The following ATP8A2 variants were observed in gnomAD, a reference collection of about 807,000 sequenced individuals.
ATP8A2 encodes the protein ATPase phospholipid transporting 8A2, also known as phospholipid-transporting ATPase IB.
Under a neutral mutation model 165.6 loss-of-function variants are expected in ATP8A2, and 100 were observed. The ratio of observed to expected loss-of-function variants is 0.60; its 90% confidence interval spans 0.51 to 0.71. The LOEUF (loss-of-function observed/expected upper bound fraction) is 0.71. Ranked by LOEUF, ATP8A2 falls within the 30% of genes least tolerant of loss-of-function variation. The probability of loss-of-function intolerance (pLI) is 0.00; values close to 1 mark genes in which losing one functional copy is unlikely to be tolerated. For missense variants in ATP8A2, 1,227 were observed against 1,479.5 expected (o/e 0.83, Z 2.80); for synonymous variants, 543 against 548.8 (o/e 0.99, Z 0.15).
Position 25,583,901 on chromosome 13 carries a change from T to A in ATP8A2, c.2146+1944T>A, listed in dbSNP as rs556068861. On this transcript the variant is annotated intron_variant, in intron 23 of 36. Transcript: ENST00000381655. ...GCTCACATCATTTGCTATCTCTTAA[T>A]TGATCTTTCTTAGCAAGTACTCTCC... is the stretch of plus-strand genomic sequence containing the variant. Among the ~76,000 whole-genome samples, 3 of 152,348 alleles carry A rather than the reference T, an allele frequency of 2.0e-5. No individual in the cohort carries two copies. The East Asian group carries it at 5.8e-4, about 29-fold the overall frequency.
Position 26,022,492 on chromosome 13 carries a change from A to C in ATP8A2, c.*2507A>C, listed in dbSNP as rs1160130020. On this transcript the variant is annotated 3_prime_UTR_variant, in exon 37 of 37. Transcript: ENST00000381655. ...TTCCTATTCTCTTGAGAAGTAGACT[A>C]AACAATATTTGCAGTGATGACAGAC... 1 of 152,236 alleles carries C rather than the reference A, an allele frequency of 6.6e-6. No homozygotes were observed. The highest frequency in any genetic ancestry group is 1.5e-5 in the Non-Finnish European group (1 of 68,052). The allele number at this position is 152,236 out of a possible 1,614,324, so 9.4% of individuals were successfully genotyped here.
At chr13:25,803,646 T>C (rs557370324) in intron 27 of ATP8A2, among the ~76,000 whole-genome samples, 22 of 152,368 alleles carry the variant, frequency 1.4e-4, no homozygotes, top group Non-Finnish European at 2.6e-4. Flanking sequence ...CCCCATATGT[T>C]AGTATTGAAG....
chr13:25,948,848 T>A (rs1383787398), intron 33 of ATP8A2, among the ~76,000 whole-genome samples: 3 of 152,168 alleles, frequency 2.0e-5, no homozygotes, highest in Admixed American at 6.5e-5. Flanking sequence ...AGCAGATACA[T>A]ATCTGTGGTT....
Position 25,721,996 on chromosome 13 carries a change from A to G in ATP8A2, c.2384+22651A>G, listed in dbSNP as rs191993772. ...AAATCACTGGCTGAATGGTAACTGTATGTTTAACCTCTTGAGGAACCATGA... is the reference window on the plus strand; with the variant it reads ...AAATCACTGGCTGAATGGTAACTGTGTGTTTAACCTCTTGAGGAACCATGA... On this transcript the variant is annotated intron_variant, in intron 25 of 36. Coordinates refer to ENST00000381655, the MANE Select transcript of ATP8A2 (RefSeq NM_016529.6). Among the ~76,000 whole-genome samples, 14 of 152,216 alleles carry G rather than the reference A, an allele frequency of 9.2e-5. No individual in the cohort carries two copies. In the East Asian group the frequency reaches 2.5e-3, roughly 27 times the overall value.
chr13:25,728,907 A>C (rs2043554573), intron 25 of ATP8A2, among the ~76,000 whole-genome samples: 1 of 152,170 alleles, frequency 6.6e-6, no homozygotes, highest in Non-Finnish European at 1.5e-5. Flanking sequence ...TTGGAAAGTG[A>C]CTGTTAGTAA....
intron 2 of ATP8A2, among the ~76,000 whole-genome samples, chr13:25,512,533 G>T (rs1297023560): frequency 6.8e-5 from 10 of 146,940 alleles, no homozygotes; most frequent in East Asian, 2.1e-4. Context: ...CTCCCTCCCG[G>T]ACGGGGCGGC....
chr13:25,886,953 T>G (rs1409388721), intron 33 of ATP8A2, among the ~76,000 whole-genome samples: 2 of 152,226 alleles, frequency 1.3e-5, no homozygotes, highest in African/African-American at 4.8e-5. Context: ...GTCTGCTAGC[T>G]GACCCAGAAC....
At position 25,817,577 on chromosome 13, in the gene ATP8A2, T is replaced by TA. The variant is rs138088372; in HGVS notation, c.2680-10535dup. Among the ~76,000 whole-genome samples the TA allele has an allele frequency of 2.2e-3, 338 of 152,322 alleles. 2 individuals carry two copies. Among genetic ancestry groups the TA allele is most frequent in the Middle Eastern group, 6.8e-3 (2 of 294 alleles). ...CGGAAAAGAAAATGCCAGACTAAAG[T>TA]AAAAAATGTATGTGTGTACCTCATC... On this transcript the variant is annotated intron_variant, in intron 27 of 36. Coordinates refer to ENST00000381655, the MANE Select transcript of ATP8A2 (RefSeq NM_016529.6).
chr13:26,019,688 C>T (rs1244180547), intron 36 of ATP8A2, among the ~76,000 whole-genome samples, 200 bp from the exon 37 acceptor site: 1 of 152,178 alleles, frequency 6.6e-6, no homozygotes, highest in African/African-American at 2.4e-5. Context: ...AACCATGGGA[C>T]CCCAGTTAGC....
At position 25,490,718 on chromosome 13, in the gene ATP8A2, G is replaced by A. The variant is rs560353031; in HGVS notation, c.221+21597G>A. On this transcript the variant is annotated intron_variant, in intron 2 of 36. Transcript: ENST00000381655. Reference sequence around the variant, plus strand: ...AAATAATTGCCGTGACTACTAATTAGTTTTTTTGTTTTTTTTTTGTTTGTT... The same window carrying A: ...AAATAATTGCCGTGACTACTAATTAATTTTTTTGTTTTTTTTTTGTTTGTT... 9.4e-4 allele frequency among the ~76,000 whole-genome samples: 8 copies of A among 8,550 alleles called. No individual in the cohort carries two copies. The East Asian group carries it at 0.082, about 87-fold the overall frequency. The allele number at this position is 8,550 out of a possible 152,430, so 5.6% of individuals were successfully genotyped here.
At chr13:25,614,247 A>C (rs1212613478) in intron 24 of ATP8A2, among the ~76,000 whole-genome samples, 1 of 151,994 alleles carries the variant, frequency 6.6e-6, no homozygotes, top group African/African-American at 2.4e-5. Flanking sequence ...GATTGTGTTA[A>C]TTTGAAAGCT....
chr13:25,796,953 G>A (rs1237416771), intron 27 of ATP8A2, among the ~76,000 whole-genome samples: 1 of 152,048 alleles, frequency 6.6e-6, no homozygotes, highest in Non-Finnish European at 1.5e-5. Flanking sequence ...ATAGTCAACA[G>A]TAATTTATTG....
At chr13:25,811,550 C>T (rs1215342107) in intron 27 of ATP8A2, among the ~76,000 whole-genome samples, 1 of 152,084 alleles carries the variant, frequency 6.6e-6, no homozygotes, top group Non-Finnish European at 1.5e-5. Flanking sequence ...AAGAAAAGCT[C>T]TTTAGATTTT....
At chr13:25,704,879 G>C (rs151279945) in intron 25 of ATP8A2, among the ~76,000 whole-genome samples, 1 of 152,084 alleles carries the variant, frequency 6.6e-6, no homozygotes. Context: ...AATAATATCA[G>C]GGCCTATGCT....
intron 25 of ATP8A2, among the ~76,000 whole-genome samples, chr13:25,731,326 AAGAG>A (rs889509666): frequency 4.9e-5 from 6 of 122,080 alleles, no homozygotes; most frequent in African/African-American, 1.9e-4. Context: ...AGGAGAGAGA[AAGAG>A]AGAAAGGGAA....
chr13:25,472,286 C>T (rs180679593), intron 2 of ATP8A2, among the ~76,000 whole-genome samples: 3 of 151,018 alleles, frequency 2.0e-5, no homozygotes, highest in Admixed American at 6.6e-5. Flanking sequence ...CCCAGCTACT[C>T]GAGAGACTGA....
chr13:25,775,514 T>C (rs1190243012), intron 27 of ATP8A2, among the ~76,000 whole-genome samples: 1 of 152,130 alleles, frequency 6.6e-6, no homozygotes, highest in Non-Finnish European at 1.5e-5. Context: ...GCAAGGTCAT[T>C]GACAATATTG....
chr13:25,667,656 A>C (rs1229594378), intron 24 of ATP8A2, among the ~76,000 whole-genome samples: 1 of 151,408 alleles, frequency 6.6e-6, no homozygotes, highest in Non-Finnish European at 1.5e-5. Context: ...TTTTTTTATA[A>C]ATTACCCAGT....
At chr13:25,924,612 A>G (rs1954546687) in intron 33 of ATP8A2, among the ~76,000 whole-genome samples, 1 of 147,450 alleles carries the variant, frequency 6.8e-6, no homozygotes. Context: ...ATATTCAGAG[A>G]TACTAAGGGC....
Sources: gnomAD v4.1 joint callset for allele counts (sites outside exome capture counted in the v4.1 genomes callset) on GRCh38, gnomAD v4.1.1 for gene constraint, MANE v1.5 for transcripts, NCBI Gene and HGNC (gene_info 2026-07-23, HGNC 2026-07-21) for gene names.